The following MALT1 variants were observed in gnomAD, a reference collection of about 807,000 sequenced individuals.
The protein encoded by MALT1 is MALT1 paracaspase.
MALT1 carries 36 observed loss-of-function variants against 85.5 expected under a neutral mutation model. The ratio of observed to expected loss-of-function variants is 0.42; its 90% confidence interval spans 0.32 to 0.56. MALT1 has a LOEUF of 0.56. Ranked by LOEUF, MALT1 falls within the 20% of genes least tolerant of loss-of-function variation. MALT1 has a pLI of 0.10. For missense variants in MALT1, 716 were observed against 981.6 expected (o/e 0.73, Z 3.62); for synonymous variants, 359 against 361.3 (o/e 0.99, Z 0.07).
At chr18:58,728,391 C>A (rs9944783) in intron 10 of MALT1, among the ~76,000 whole-genome samples, 36,623 of 147,962 alleles carry the variant, frequency 0.25, 4,482 homozygotes, top group Middle Eastern at 0.31. Context: ...GTTGCTTGAG[C>A]CCAGGAGTTT....
Position 58,704,051 on chromosome 18 carries a change from T to C in MALT1, c.649+3460T>C, listed in dbSNP as rs184152457. 1.8e-4 allele frequency among the ~76,000 whole-genome samples: 28 copies of C among 152,346 alleles called. No homozygotes were observed. In the East Asian group the frequency reaches 5.0e-3, roughly 27 times the overall value. ...GCTGAGTAACATTCCATTGTATGGATTGACTAGTTTGTTTATTCATTCTCC... is the reference window on the plus strand; with the variant it reads ...GCTGAGTAACATTCCATTGTATGGACTGACTAGTTTGTTTATTCATTCTCC... On this transcript the variant is annotated intron_variant, in intron 4 of 16. Transcript: ENST00000649217.
intron 2 of MALT1, among the ~76,000 whole-genome samples, chr18:58,692,487 C>G (rs2054526619): frequency 7.1e-6 from 1 of 140,418 alleles, no homozygotes; most frequent in South Asian, 2.5e-4. Context: ...CCTCTCCCAC[C>G]TCCCCACTCC....
At chr18:58,730,512 T>C (rs62093465) in intron 10 of MALT1, among the ~76,000 whole-genome samples, 16,856 of 151,598 alleles carry the variant, frequency 0.11, 1,125 homozygotes, top group Admixed American at 0.16. Context: ...GATAATATTC[T>C]ATTATATGAT....
chr18:58,744,907 T>C (rs1432985624), intron 15 of MALT1, among the ~76,000 whole-genome samples: 1 of 151,790 alleles, frequency 6.6e-6, no homozygotes, highest in African/African-American at 2.4e-5. Context: ...AACATTTAGG[T>C]TTGATAGTTA....
At chr18:58,743,907 A>G (rs1475584897) in intron 14 of MALT1, among the ~76,000 whole-genome samples, 1 of 152,198 alleles carries the variant, frequency 6.6e-6, no homozygotes, top group Non-Finnish European at 1.5e-5. Context: ...ATCTTAAAGC[A>G]TTACGTATAT....
intron 1 of MALT1, among the ~76,000 whole-genome samples, chr18:58,674,770 AC>A (rs1171521825): frequency 6.6e-6 from 1 of 152,178 alleles, no homozygotes; most frequent in Non-Finnish European, 1.5e-5. Context: ...CGTGTGGGTG[AC>A]AAGTCCCACG....
chr18:58,672,948 G>T (rs1022168475), intron 1 of MALT1: 7 of 152,206 alleles, frequency 4.6e-5, no homozygotes, highest in African/African-American at 1.7e-4. Flanking sequence ...AAGGGTCTCA[G>T]GAACTGCACT....
At chr18:58,724,112 T>C (rs2144426709) in intron 10 of MALT1, among the ~76,000 whole-genome samples, 1 of 152,336 alleles carries the variant, frequency 6.6e-6, no homozygotes, top group South Asian at 2.1e-4. Context: ...ATCTTTCCAG[T>C]TATTTTATTT....
At chr18:58,683,645 A>G (rs2054355293) in intron 2 of MALT1, among the ~76,000 whole-genome samples, 1 of 152,258 alleles carries the variant, frequency 6.6e-6, no homozygotes, top group African/African-American at 2.4e-5. Context: ...CAGGCCAGCA[A>G]CTAATAAAGT....
At chr18:58,746,475 G>C (rs2055368706) in intron 16 of MALT1, among the ~76,000 whole-genome samples, 1 of 152,084 alleles carries the variant, frequency 6.6e-6, no homozygotes, top group Non-Finnish European at 1.5e-5. Flanking sequence ...TCTAATGAAA[G>C]CTTTTAATTT....
chr18:58,745,817 A>G (rs1434485324), intron 16 of MALT1, 26 bp downstream of exon 16: 1 of 1,595,776 alleles, frequency 6.3e-7, no homozygotes, highest in Admixed American at 1.8e-5. Context: ...GTTTATAGCT[A>G]CTAATGGAAA....
intron 1 of MALT1, among the ~76,000 whole-genome samples, chr18:58,677,056 C>G (rs1338184753): frequency 6.6e-6 from 1 of 152,018 alleles, no homozygotes; most frequent in Non-Finnish European, 1.5e-5. Context: ...ATCAAAAATT[C>G]TAAATTAGGA....
At chr18:58,740,128 G>A (rs1252280133) in intron 13 of MALT1, among the ~76,000 whole-genome samples, 1 of 152,086 alleles carries the variant, frequency 6.6e-6, no homozygotes, top group Non-Finnish European at 1.5e-5. Context: ...CAAATTCGTT[G>A]TCATTTAGTT....
chr18:58,729,514 A>G (rs1485038575), intron 10 of MALT1, among the ~76,000 whole-genome samples: 2 of 151,840 alleles, frequency 1.3e-5, no homozygotes, highest in African/African-American at 4.8e-5. Flanking sequence ...AAGAAAAAAA[A>G]AATTATAGTC....
intron 1 of MALT1, among the ~76,000 whole-genome samples, chr18:58,679,573 AG>A (rs1299969195): frequency 1.3e-5 from 2 of 152,194 alleles, no homozygotes; most frequent in Admixed American, 1.3e-4. Flanking sequence ...CTTTTTTTTA[AG>A]ACCGAGTCTC....
intron 4 of MALT1, 90 bp from the exon 5 acceptor site, chr18:58,709,284 CAAAT>C (rs2054799118): frequency 3.9e-6 from 3 of 761,228 alleles, no homozygotes; most frequent in South Asian, 5.5e-5. Flanking sequence ...AAAATTGTAA[CAAAT>C]GAAGGGGGAA....
intron 2 of MALT1, among the ~76,000 whole-genome samples, chr18:58,692,664 G>C (rs979510781): frequency 6.6e-6 from 1 of 152,194 alleles, no homozygotes; most frequent in Non-Finnish European, 1.5e-5. Flanking sequence ...TCAGGTGAAA[G>C]GAAGAGTCAC....
intron 10 of MALT1, among the ~76,000 whole-genome samples, 156 bp from the exon 11 acceptor site, chr18:58,733,240 CA>C (rs2055177508): frequency 6.6e-6 from 1 of 152,176 alleles, no homozygotes; most frequent in South Asian, 2.1e-4. Flanking sequence ...TGCAAAATAA[CA>C]TTGTCTATAT....
Position 58,748,027 on chromosome 18 carries a change from T to TTTCTAAGATTTTGTGAA in MALT1, c.*188_*204dup. On this transcript the variant is annotated 3_prime_UTR_variant, in exon 17 of 17. Coordinates refer to ENST00000649217, the MANE Select transcript of MALT1 (RefSeq NM_006785.4). ...ACATTATTTAATTACAGACTTCCTC[T>TTTCTAAGATTTTGTGAA]TTCTAAGATTTTGTGAATTGGTTGA... 1.7e-6 allele frequency: 1 copy of TTTCTAAGATTTTGTGAA among 574,204 alleles called. No homozygotes were observed. The highest frequency in any genetic ancestry group is 2.0e-5 in the South Asian group (1 of 48,830). 35.6% of individuals were successfully genotyped at this position (574,204 alleles called of 1,614,324 possible).
Sources: gnomAD v4.1 joint callset for allele counts (sites outside exome capture counted in the v4.1 genomes callset) on GRCh38, gnomAD v4.1.1 for gene constraint, MANE v1.5 for transcripts, NCBI Gene and HGNC (gene_info 2026-07-23, HGNC 2026-07-21) for gene names.